SUCLA2: variants seen among roughly 807,000 people sequenced by gnomAD.
SUCLA2 encodes succinate--CoA ligase [ADP-forming] subunit beta, mitochondrial.
In SUCLA2, 30 loss-of-function variants were observed where a neutral mutation model predicts 54.8. That is an observed-to-expected ratio of 0.55 (90% CI 0.41 to 0.74). The LOEUF is 0.74. Among genes scored for constraint, SUCLA2 ranks in the 30% least tolerant of loss-of-function variants. The pLI is 0.00. For synonymous variants in SUCLA2, 172 were observed against 188.9 expected (o/e 0.91, Z 0.74); for missense variants, 476 against 562.9 (o/e 0.85, Z 1.56).
chr13:47,996,710 ACCTT>A (rs1161119414), intron 2 of SUCLA2, 129 bp downstream of exon 2: 2 of 718,922 alleles, frequency 2.8e-6, no homozygotes, highest in Non-Finnish European at 4.4e-6. Flanking sequence ...ATAAAGTTCT[ACCTT>A]CTATTTTAAG....
intron 10 of SUCLA2, among the ~76,000 whole-genome samples, chr13:47,948,328 TATAG>T (rs1207550229): frequency 1.6e-4 from 25 of 152,200 alleles, no homozygotes; most frequent in African/African-American, 1.9e-4. Flanking sequence ...TTATCGAATA[TATAG>T]ATAGATACAC....
chr13:47,965,626 G>A lies in SUCLA2; in HGVS notation c.802+2969C>T, dbSNP rs549911918. ...TGGATGTGACAACTCAATTCAATGT[G>A]TGATCCTGGTGGTCCTGGGGAAAAA... On this transcript the variant is annotated intron_variant, in intron 6 of 10. Coordinates refer to ENST00000646932, the MANE Select transcript of SUCLA2 (RefSeq NM_003850.3). The A allele has an allele frequency of 1.8e-5, 7 of 398,394 alleles. No homozygotes were observed. The Admixed American group carries it at 3.1e-4, about 18-fold the overall frequency. 24.7% of individuals were successfully genotyped at this position (398,394 alleles called of 1,614,324 possible).
chr13:47,998,293 A>C (rs1950204593), intron 1 of SUCLA2, among the ~76,000 whole-genome samples: 2 of 103,194 alleles, frequency 1.9e-5, no homozygotes, highest in Admixed American at 2.1e-4. Flanking sequence ...CAAATAAATA[A>C]GTTAAAAAAA....
intron 4 of SUCLA2, chr13:47,987,710 T>C (rs1950114431): frequency 1.3e-5 from 2 of 152,132 alleles, no homozygotes; most frequent in Admixed American, 1.3e-4. Flanking sequence ...TTAAAAAAGT[T>C]GTTCTACATA....
chr13:47,947,326 CAAAA>C (rs747493359), intron 10 of SUCLA2, among the ~76,000 whole-genome samples: 2 of 149,690 alleles, frequency 1.3e-5, no homozygotes, highest in African/African-American at 2.5e-5. Flanking sequence ...AAACAAAATA[CAAAA>C]AAAACAAAAA....
chr13:47,993,994 G>A (rs1378995961), intron 2 of SUCLA2, among the ~76,000 whole-genome samples: 1 of 150,198 alleles, frequency 6.7e-6, no homozygotes, highest in East Asian at 2.0e-4. Flanking sequence ...GGAGGCGGAG[G>A]TTGCGGTGAG....
At chr13:47,945,401 TGACAGAGCAA>T (rs1949721199) in intron 10 of SUCLA2, among the ~76,000 whole-genome samples, 1 of 113,288 alleles carries the variant, frequency 8.8e-6, no homozygotes, top group African/African-American at 3.5e-5. Flanking sequence ...CCAGCCTAGG[TGACAGAGCAA>T]GACTCAGTCT....
intron 2 of SUCLA2, among the ~76,000 whole-genome samples, chr13:47,990,458 TAAAA>T (rs200621361): frequency 6.6e-6 from 1 of 150,962 alleles, no homozygotes; most frequent in African/African-American, 2.4e-5. Context: ...ATGTATCAGT[TAAAA>T]AAAAAGAGTA....
chr13:47,975,900 C>G (rs999924896), intron 4 of SUCLA2, among the ~76,000 whole-genome samples: 2 of 152,076 alleles, frequency 1.3e-5, no homozygotes, highest in South Asian at 2.1e-4. Flanking sequence ...TTGTATCAAC[C>G]CACTCTGCAT....
At chr13:47,951,500 C>G (rs1056808928) in intron 8 of SUCLA2, among the ~76,000 whole-genome samples, 9 of 152,150 alleles carry the variant, frequency 5.9e-5, no homozygotes, top group African/African-American at 2.2e-4. Flanking sequence ...CTACTTCAAA[C>G]AATGCATCTT....
chr13:47,972,440 G>C (rs9595827), intron 5 of SUCLA2, among the ~76,000 whole-genome samples: 2 of 151,768 alleles, frequency 1.3e-5, no homozygotes, highest in Non-Finnish European at 2.9e-5. Context: ...AGGCCGAGGC[G>C]GGTGGATCAC....
At chr13:47,944,047 G>A (rs1314834914) in intron 10 of SUCLA2, among the ~76,000 whole-genome samples, 1 of 151,914 alleles carries the variant, frequency 6.6e-6, no homozygotes, top group Non-Finnish European at 1.5e-5. Context: ...ATTTAGACAT[G>A]TCTAAGACCA....
intron 4 of SUCLA2, among the ~76,000 whole-genome samples, chr13:47,980,625 C>T (rs1281772322): frequency 6.6e-6 from 1 of 150,810 alleles, no homozygotes. Context: ...CTCAAAGGAC[C>T]CAGAACAGTC....
chr13:47,982,939 T>C (rs1950070690), intron 4 of SUCLA2, among the ~76,000 whole-genome samples: 1 of 152,024 alleles, frequency 6.6e-6, no homozygotes, highest in Non-Finnish European at 1.5e-5. Context: ...GCTCTGTGAG[T>C]CGTTCTAAGG....
At position 47,954,473 on chromosome 13, in the gene SUCLA2, T is replaced by A. The variant is rs540693810; in HGVS notation, c.887A>T (p.Gln296Leu). ...AGCATCTTTGTCCCTTTCATCTTCC[T>A]GGGTCCAGTCCTGTAGATCAAAGAT... ...KKIFDLQDWT[Q>L]EDERDKDAAK... Residue 296 changes from glutamine to leucine, a missense_variant, in exon 7 of 11, where the codon CAG becomes CTG. Coordinates refer to ENST00000646932, the MANE Select transcript of SUCLA2 (RefSeq NM_003850.3). The A allele has an allele frequency of 6.2e-7, 1 of 1,614,004 alleles. No homozygotes were observed. The highest frequency in any genetic ancestry group is 8.5e-7 in the Non-Finnish European group (1 of 1,179,894).
At chr13:47,955,100 G>GATTT (rs1315039603) in intron 6 of SUCLA2, among the ~76,000 whole-genome samples, 1 of 152,252 alleles carries the variant, frequency 6.6e-6, no homozygotes, top group South Asian at 2.1e-4. Context: ...ACTCCTTGAA[G>GATTT]ATTTGTCTAA....
At chr13:47,981,723 G>A (rs1950061551) in intron 4 of SUCLA2, among the ~76,000 whole-genome samples, 3 of 152,264 alleles carry the variant, frequency 2.0e-5, no homozygotes. Flanking sequence ...GGCTGAGGCA[G>A]AAGAATCACT....
intron 10 of SUCLA2, among the ~76,000 whole-genome samples, chr13:47,944,127 T>C (rs895583969): frequency 6.6e-6 from 1 of 152,128 alleles, no homozygotes; most frequent in African/African-American, 2.4e-5. Context: ...TAGATATCTT[T>C]GGCTGCAAAT....
At chr13:47,989,463 G>A (rs919951709) in intron 2 of SUCLA2, among the ~76,000 whole-genome samples, 3 of 151,940 alleles carry the variant, frequency 2.0e-5, no homozygotes, top group Admixed American at 6.6e-5. Flanking sequence ...TGCCCACCTC[G>A]GCCTCCCAAA....
Sources: gnomAD v4.1 joint callset for allele counts (sites outside exome capture counted in the v4.1 genomes callset) on GRCh38, gnomAD v4.1.1 for gene constraint, MANE v1.5 for transcripts, NCBI Gene and HGNC (gene_info 2026-07-23, HGNC 2026-07-21) for gene names.